Variants in CADPS observed in about 807,000 individuals in gnomAD.
CADPS encodes calcium-dependent secretion activator 1.
A neutral mutation model predicts 167.3 loss-of-function variants in CADPS; 57 were observed. The ratio of observed to expected loss-of-function variants is 0.34; its 90% CI spans 0.28 to 0.42. The LOEUF is 0.42. CADPS is among the 20% of genes least tolerant of loss of function. The pLI, the probability that CADPS is intolerant of heterozygous loss-of-function variation, is 1.00. For missense variants in CADPS, 1,414 were observed against 1,738.1 expected, an observed-to-expected ratio of 0.81 and a Z score of 3.32; for synonymous variants, 676 against 635.3, an observed-to-expected ratio of 1.06 and a Z score of -0.96.
chr3:62,729,670 T>C (rs892842811), intron 3 of CADPS, among the ~76,000 whole-genome samples: 5 of 151,944 alleles, frequency 3.3e-5, no homozygotes, highest in Non-Finnish European at 7.3e-5. Context: ...GTCTGATACA[T>C]AATAAGCATA....
At chr3:62,763,285 G>T (rs1259292421) in intron 2 of CADPS, among the ~76,000 whole-genome samples, 1 of 152,124 alleles carries the variant, frequency 6.6e-6, no homozygotes, top group African/African-American at 2.4e-5. Flanking sequence ...GCTCCTGGAG[G>T]TGCTAAACTG....
At chr3:62,704,383 A>T (rs2081967724) in intron 3 of CADPS, among the ~76,000 whole-genome samples, 1 of 152,130 alleles carries the variant, frequency 6.6e-6, no homozygotes, top group Non-Finnish European at 1.5e-5. Flanking sequence ...CTGTGCTATA[A>T]TCATGTGAGT....
intron 7 of CADPS, among the ~76,000 whole-genome samples, chr3:62,585,818 G>C (rs2084482758): frequency 6.6e-6 from 1 of 152,228 alleles, no homozygotes; most frequent in Non-Finnish European, 1.5e-5. Context: ...GAGACTCAGG[G>C]AAGGAAAGGG....
intron 28 of CADPS, among the ~76,000 whole-genome samples, chr3:62,430,066 A>C (rs1335499458): frequency 6.6e-6 from 1 of 152,234 alleles, no homozygotes; most frequent in African/African-American, 2.4e-5. Flanking sequence ...ACAGAAATGT[A>C]AATCTGTGAG....
At chr3:62,757,966 C>G (rs1286036998) in intron 2 of CADPS, among the ~76,000 whole-genome samples, 1 of 152,198 alleles carries the variant, frequency 6.6e-6, no homozygotes, top group Admixed American at 6.5e-5. Context: ...TCCCATGATT[C>G]AATTACCTCT....
At chr3:62,704,198 T>G (rs1274788902) in intron 3 of CADPS, among the ~76,000 whole-genome samples, 2 of 152,182 alleles carry the variant, frequency 1.3e-5, no homozygotes, top group African/African-American at 4.8e-5. Flanking sequence ...ACACTTGTGT[T>G]GCAGAAAATA....
chr3:62,463,776 G>A (rs2059641282), intron 26 of CADPS, among the ~76,000 whole-genome samples: 1 of 152,188 alleles, frequency 6.6e-6, no homozygotes, highest in Non-Finnish European at 1.5e-5. Flanking sequence ...TTCCATAAGT[G>A]AAATTGGATG....
chr3:62,624,217 AAG>A (rs773030215), intron 6 of CADPS, among the ~76,000 whole-genome samples: 120 of 78,338 alleles, frequency 1.5e-3, no homozygotes, highest in Non-Finnish European at 2.9e-3. Flanking sequence ...AGGTAGTTCT[AAG>A]AGTTGCACAG....
intron 3 of CADPS, among the ~76,000 whole-genome samples, chr3:62,709,939 T>A (rs1479424138): frequency 5.9e-5 from 9 of 151,686 alleles, no homozygotes; most frequent in African/African-American, 1.9e-4. Flanking sequence ...CTGGCTAATT[T>A]TTTTTGTATT....
At chr3:62,806,846 C>A (rs114657563) in intron 1 of CADPS, among the ~76,000 whole-genome samples, 3 of 152,138 alleles carry the variant, frequency 2.0e-5, no homozygotes, top group Admixed American at 2.0e-4. Flanking sequence ...TCAAATGACA[C>A]TAATTTAGAA....
At chr3:62,852,924 A>G (rs2078921349) in intron 1 of CADPS, among the ~76,000 whole-genome samples, 1 of 152,242 alleles carries the variant, frequency 6.6e-6, no homozygotes, top group Non-Finnish European at 1.5e-5. Flanking sequence ...TGTTATTTCC[A>G]ATATTCAATT....
chr3:62,863,883 A>C (rs1006833356), intron 1 of CADPS, among the ~76,000 whole-genome samples: 12 of 152,200 alleles, frequency 7.9e-5, no homozygotes, highest in African/African-American at 2.9e-4. Context: ...ACAGAGTTAG[A>C]AAATAAGGGG....
At chr3:62,829,726 T>C (rs969585625) in intron 1 of CADPS, among the ~76,000 whole-genome samples, 9 of 152,282 alleles carry the variant, frequency 5.9e-5, no homozygotes, top group South Asian at 2.1e-4. Flanking sequence ...TGTTGGGCTA[T>C]TATTGGCTCT....
At chr3:62,619,077 T>C (rs913363512) in intron 6 of CADPS, among the ~76,000 whole-genome samples, 4 of 152,246 alleles carry the variant, frequency 2.6e-5, no homozygotes, top group African/African-American at 7.2e-5. Flanking sequence ...GCCCATTTAC[T>C]TACAGAACCT....
At chr3:62,536,340 G>A in intron 12 of CADPS, 105 bp downstream of exon 12, 1 of 965,664 alleles carries the variant, frequency 1.0e-6, no homozygotes, top group Non-Finnish European at 1.5e-6. Context: ...AATTGTTAAA[G>A]GGATTCTGTA....
chr3:62,823,771 C>A (rs948239715), intron 1 of CADPS, among the ~76,000 whole-genome samples: 3 of 152,156 alleles, frequency 2.0e-5, no homozygotes, highest in Non-Finnish European at 4.4e-5. Context: ...ATCGTCTCAT[C>A]CATGATGTCT....
chr3:62,694,283 C>T (rs1469810282), intron 3 of CADPS, among the ~76,000 whole-genome samples: 1 of 152,132 alleles, frequency 6.6e-6, no homozygotes, highest in Non-Finnish European at 1.5e-5. Flanking sequence ...CTATGTTTAA[C>T]TGAATTCTGT....
At chr3:62,605,214 G>C (rs1016359983) in intron 6 of CADPS, among the ~76,000 whole-genome samples, 7 of 150,544 alleles carry the variant, frequency 4.6e-5, no homozygotes, top group African/African-American at 1.7e-4. Context: ...ATTCCAACCA[G>C]CTTCTCTGAA....
At chr3:62,525,281 T>C (rs962676396) in intron 13 of CADPS, among the ~76,000 whole-genome samples, 3 of 151,994 alleles carry the variant, frequency 2.0e-5, no homozygotes, top group Non-Finnish European at 2.9e-5. Flanking sequence ...GGAAACAAGT[T>C]CCAAAGTGAA....
Sources: gnomAD v4.1 joint callset for allele counts (sites outside exome capture counted in the v4.1 genomes callset) on GRCh38, gnomAD v4.1.1 for gene constraint, MANE v1.5 for transcripts, NCBI Gene and HGNC (gene_info 2026-07-23, HGNC 2026-07-21) for gene names.